The following MTUS2 variants were observed in gnomAD, a reference collection of about 807,000 sequenced individuals.
MTUS2 encodes the protein microtubule-associated tumor suppressor candidate 2.
MTUS2 carries 40 observed loss-of-function variants against 114.1 expected under a neutral mutation model. That is an observed-to-expected ratio of 0.35 (90% CI 0.27 to 0.46). MTUS2 has a LOEUF of 0.46. Ranked by LOEUF, MTUS2 falls within the 20% of genes least tolerant of loss-of-function variation. The pLI is 1.00. For missense variants in MTUS2, 1,679 were observed against 1,705.4 expected (o/e 0.98, Z 0.27); for synonymous variants, 688 against 672.0 (o/e 1.02, Z -0.37).
intron 8 of MTUS2, among the ~76,000 whole-genome samples, chr13:29,390,838 A>G (rs1416510595): frequency 6.6e-6 from 1 of 151,746 alleles, no homozygotes; most frequent in Non-Finnish European, 1.5e-5. Context: ...GCTGGAGTGC[A>G]GTGGCACGAC....
intron 8 of MTUS2, among the ~76,000 whole-genome samples, chr13:29,421,454 A>T (rs957146512): frequency 1.3e-5 from 2 of 152,082 alleles, no homozygotes; most frequent in Admixed American, 6.6e-5. Context: ...ACAATTTTTA[A>T]CTCTTTGACC....
At chr13:29,164,532 A>G (rs1478600291) in intron 5 of MTUS2, among the ~76,000 whole-genome samples, 2 of 152,220 alleles carry the variant, frequency 1.3e-5, no homozygotes, top group African/African-American at 4.8e-5. Flanking sequence ...TTCTTGGGGA[A>G]AAGCCTTTTT....
intron 2 of MTUS2, among the ~76,000 whole-genome samples, chr13:28,974,234 A>G (rs921712478): frequency 6.6e-6 from 1 of 152,186 alleles, no homozygotes; most frequent in Non-Finnish European, 1.5e-5. Flanking sequence ...TTAGAATCCA[A>G]TGTTGCTAGA....
Position 29,025,172 on chromosome 13 carries a change from T to A in MTUS2, c.474T>A (p.Val158=). 1 of 1,613,888 alleles carries A rather than the reference T, an allele frequency of 6.2e-7. No individual in the cohort carries two copies. Among genetic ancestry groups the A allele is most frequent in the Non-Finnish European group, 8.5e-7 (1 of 1,179,858 alleles). The change falls in exon 3 of 16, where the codon GTT becomes GTA. Residue 158 remains valine, a synonymous_variant. Transcript: ENST00000612955. ...GGGATGCTGAAATTCCCCGGCATGT[T>A]CCCAAGGATAAACTGGCAAAGACCC... is the stretch of plus-strand genomic sequence containing the variant. ...AKRDAEIPRH[V]PKDKLAKTLD...
intron 4 of MTUS2, among the ~76,000 whole-genome samples, chr13:29,053,152 A>G (rs1040414901): frequency 6.6e-6 from 1 of 152,230 alleles, no homozygotes; most frequent in Non-Finnish European, 1.5e-5. Context: ...CTAATGTATC[A>G]TTATAAATAC....
chr13:29,345,614 G>A (rs1368561093), intron 7 of MTUS2, among the ~76,000 whole-genome samples: 2 of 151,914 alleles, frequency 1.3e-5, no homozygotes, highest in Admixed American at 6.6e-5. Context: ...GTGCCTCCAT[G>A]TGTGGCTTCA....
intron 5 of MTUS2, among the ~76,000 whole-genome samples, chr13:29,115,763 C>G (rs949732772): frequency 6.6e-6 from 1 of 152,190 alleles, no homozygotes; most frequent in Admixed American, 6.5e-5. Context: ...AACTAACTGG[C>G]TGGGTGGCCG....
intron 2 of MTUS2, among the ~76,000 whole-genome samples, chr13:28,947,987 T>C (rs965693521): frequency 2.0e-5 from 3 of 152,192 alleles, no homozygotes; most frequent in Admixed American, 2.0e-4. Flanking sequence ...TGTTTATGCT[T>C]TGAAGGAAAT....
At chr13:29,500,479 G>A (rs973599700) in intron 14 of MTUS2, among the ~76,000 whole-genome samples, 10 of 152,324 alleles carry the variant, frequency 6.6e-5, no homozygotes, top group African/African-American at 2.4e-4. Context: ...CAATTGCCGG[G>A]GAGTAACAGC....
At position 29,494,574 on chromosome 13, in the gene MTUS2, A is replaced by AT. The variant is rs1173154133; in HGVS notation, c.3579+1860dup. On this transcript the variant is annotated intron_variant, in intron 12 of 15. Transcript: ENST00000612955. ...GTGTAGGAGCCATGGAGGGAGAGTC[A>AT]TTTTTATAGTCAGTGTAGCAGGTGA... Among the ~76,000 whole-genome samples the AT allele has an allele frequency of 4.0e-5, 6 of 151,738 alleles. 1 individual carries two copies. Among genetic ancestry groups the AT allele is most frequent in the Admixed American group, 3.9e-4 (6 of 15,252 alleles).
intron 2 of MTUS2, among the ~76,000 whole-genome samples, chr13:28,872,800 A>G (rs145190049): frequency 6.6e-6 from 1 of 152,308 alleles, no homozygotes; most frequent in Non-Finnish European, 1.5e-5. Flanking sequence ...ACATTTCGAC[A>G]TGAGGTTTGA....
chr13:28,949,044 CAT>C (rs1156463664), intron 2 of MTUS2, among the ~76,000 whole-genome samples: 9 of 152,184 alleles, frequency 5.9e-5, no homozygotes, highest in South Asian at 2.1e-4. Context: ...TAAAAGGGAA[CAT>C]GTGTATGTAG....
At chr13:29,395,556 AG>A (rs1346770713) in intron 8 of MTUS2, among the ~76,000 whole-genome samples, 1 of 152,186 alleles carries the variant, frequency 6.6e-6, no homozygotes, top group Non-Finnish European at 1.5e-5. Context: ...CCTCACTCAA[AG>A]GGTACCTGCA....
intron 4 of MTUS2, among the ~76,000 whole-genome samples, chr13:29,066,026 C>A (rs76158941): frequency 4.6e-5 from 7 of 152,066 alleles, no homozygotes; most frequent in Non-Finnish European, 8.8e-5. Flanking sequence ...ACAGTGGCCT[C>A]GATTCAGTTC....
At chr13:28,821,486 A>T (rs1873898664) in intron 1 of MTUS2, among the ~76,000 whole-genome samples, 1 of 152,148 alleles carries the variant, frequency 6.6e-6, no homozygotes, top group South Asian at 2.1e-4. Flanking sequence ...CCAGTTATTA[A>T]AGATGTGTCT....
chr13:29,020,254 G>A (rs1886237930), intron 2 of MTUS2, among the ~76,000 whole-genome samples: 1 of 152,148 alleles, frequency 6.6e-6, no homozygotes, highest in Non-Finnish European at 1.5e-5. Context: ...GCATATGAAA[G>A]TTACATGTCT....
intron 8 of MTUS2, among the ~76,000 whole-genome samples, chr13:29,407,949 G>A (rs1173905300): frequency 6.6e-6 from 1 of 152,056 alleles, no homozygotes; most frequent in Non-Finnish European, 1.5e-5. Flanking sequence ...TAAGAATTAT[G>A]TTTTTGTATG....
At chr13:29,452,501 C>T (rs1593459722) in intron 9 of MTUS2, among the ~76,000 whole-genome samples, 1 of 151,804 alleles carries the variant, frequency 6.6e-6, no homozygotes, top group Non-Finnish European at 1.5e-5. Flanking sequence ...AGTGATCCTC[C>T]TGCCTCAGCC....
rs549832628 is a variant in MTUS2, at chr13:29,077,323, C to T, written c.2447-23450C>T. Among the ~76,000 whole-genome samples, 3 of 152,084 alleles carry T rather than the reference C, an allele frequency of 2.0e-5. No homozygotes were observed. The South Asian group carries it at 6.2e-4, about 32-fold the overall frequency. ...TTGCTTCTCAGCCATGTGAACAAAG[C>T]AAACCACCTCTCTAACAAAGTATCT... On this transcript the variant is annotated intron_variant, in intron 4 of 15. Transcript: ENST00000612955.
Sources: allele counts gnomAD v4.1 joint callset (sites outside exome capture counted in the v4.1 genomes callset), GRCh38; gene constraint gnomAD v4.1.1; transcripts MANE v1.5; gene names NCBI Gene and HGNC (gene_info 2026-07-23, HGNC 2026-07-21).